Variants in MTMR7 observed in about 807,000 individuals in gnomAD.
The protein encoded by MTMR7 is phosphatidylinositol-3-phosphate phosphatase MTMR7.
In MTMR7, 76 loss-of-function variants were observed where a neutral mutation model predicts 81.2. The ratio of observed to expected loss-of-function variants is 0.94; its 90% CI spans 0.78 to 1.13. The LOEUF (loss-of-function observed/expected upper bound fraction) is 1.13. MTMR7 is among the 50% of genes most tolerant of loss of function. MTMR7 has a pLI of 0.00. For synonymous variants in MTMR7, 372 were observed against 289.8 expected (o/e 1.28, Z -2.88); for missense variants, 1,044 against 820.0 (o/e 1.27, Z -3.34).
intron 7 of MTMR7, among the ~76,000 whole-genome samples, chr8:17,318,917 C>T (rs1238005017): frequency 1.3e-5 from 2 of 152,208 alleles, no homozygotes; most frequent in Admixed American, 6.5e-5. Flanking sequence ...CTCACATCTC[C>T]AACGTCTCCT....
chr8:17,303,343 A>G (rs1231696441), intron 12 of MTMR7, among the ~76,000 whole-genome samples: 1 of 152,184 alleles, frequency 6.6e-6, no homozygotes, highest in African/African-American at 2.4e-5. Flanking sequence ...AGATAATTAG[A>G]TTGAAATAAT....
At chr8:17,316,704 G>C (rs1430972840) in intron 7 of MTMR7, among the ~76,000 whole-genome samples, 1 of 152,164 alleles carries the variant, frequency 6.6e-6, no homozygotes, top group Non-Finnish European at 1.5e-5. Context: ...AACCAATCCA[G>C]TGTAACGACT....
chr8:17,404,487 T>G (rs1354949303), intron 1 of MTMR7, among the ~76,000 whole-genome samples: 1 of 152,196 alleles, frequency 6.6e-6, no homozygotes, highest in Non-Finnish European at 1.5e-5. Flanking sequence ...ATCTTATCAG[T>G]ACTATCAGTA....
At chr8:17,403,359 G>A (rs933176042) in intron 1 of MTMR7, among the ~76,000 whole-genome samples, 1 of 152,064 alleles carries the variant, frequency 6.6e-6, no homozygotes, top group Non-Finnish European at 1.5e-5. Flanking sequence ...TATGTCATTG[G>A]CACTATTTTC....
At position 17,349,040 on chromosome 8, in the gene MTMR7, C is replaced by T. The variant is rs1034741697; in HGVS notation, c.510G>A (p.Ser170=). 4 of 1,612,466 alleles carry T rather than the reference C, an allele frequency of 2.5e-6. No homozygotes were observed. Among genetic ancestry groups the T allele is most frequent in the Admixed American group, 1.7e-5 (1 of 59,702 alleles). Residue 170 remains serine, a synonymous_variant, in exon 5 of 14, where the codon TCG becomes TCA. Transcript: ENST00000180173. ...TCCCCACTATGATGTGTGCCGTGGC[C>T]GATTTGGGAACGTACAGTTCAGTAG... is the stretch of plus-strand genomic sequence containing the variant. ...SYPTELYVPK[S]ATAHIIVGSS...
chr8:17,314,923 T>C (rs1324321132), intron 7 of MTMR7, among the ~76,000 whole-genome samples: 1 of 152,126 alleles, frequency 6.6e-6, no homozygotes, highest in African/African-American at 2.4e-5. Context: ...GAAGACACTA[T>C]GTGTCTGATA....
chr8:17,319,395 G>C (rs995040460), intron 7 of MTMR7, among the ~76,000 whole-genome samples: 1 of 152,180 alleles, frequency 6.6e-6, no homozygotes, highest in Admixed American at 6.5e-5. Flanking sequence ...GTCCTGGGAG[G>C]AAGGAGCTGT....
At chr8:17,353,988 C>G (rs929838874) in intron 4 of MTMR7, among the ~76,000 whole-genome samples, 1 of 152,208 alleles carries the variant, frequency 6.6e-6, no homozygotes, top group African/African-American at 2.4e-5. Context: ...ACTCCCAGGA[C>G]AGCTGATCTT....
In MTMR7 at chr8:17,331,068, T is replaced by G. The variant is rs1586203030; in HGVS notation, c.865+82A>C. 1.1e-5 allele frequency: 16 copies of G among 1,500,252 alleles called. No individual in the cohort carries two copies. In the East Asian group the frequency reaches 3.8e-4, roughly 35 times the overall value. The allele number at this position is 1,500,252 out of a possible 1,614,324, so 92.9% of individuals were successfully genotyped here. On this transcript the variant is annotated intron_variant, in intron 7 of 13. Transcript: ENST00000180173. ...ATTATCACACCTATGTAAAAACATT[T>G]TAAAATCAAGACTATCTTATTCCCT...
intron 7 of MTMR7, among the ~76,000 whole-genome samples, chr8:17,330,653 A>G (rs1818952955): frequency 6.6e-6 from 1 of 152,144 alleles, no homozygotes; most frequent in Non-Finnish European, 1.5e-5. Context: ...ATATATGTCA[A>G]AGTGTGTGTG....
rs141378524 is a variant in MTMR7, at chr8:17,337,287, C to T, written c.732+4076G>A. ...GGCTGAGGCAGGAGAATCACTTGAA[C>T]CCGGGAGATGGAGGTTGCAGTGATC... On this transcript the variant is annotated intron_variant, in intron 6 of 13. Coordinates refer to ENST00000180173, the MANE Select transcript of MTMR7 (RefSeq NM_004686.5). Among the ~76,000 whole-genome samples the T allele has an allele frequency of 4.7e-3, 719 of 151,460 alleles. 7 individuals are homozygous for T. The highest frequency in any genetic ancestry group is 0.017 in the African/African-American group (680 of 41,196).
intron 1 of MTMR7, among the ~76,000 whole-genome samples, chr8:17,391,267 C>A (rs891489422): frequency 6.6e-6 from 1 of 152,018 alleles, no homozygotes; most frequent in Non-Finnish European, 1.5e-5. Context: ...GGGTAGGAAG[C>A]AACTGGAAGG....
At chr8:17,364,164 G>C (rs1220484984) in intron 3 of MTMR7, among the ~76,000 whole-genome samples, 2 of 151,322 alleles carry the variant, frequency 1.3e-5, no homozygotes, top group South Asian at 2.1e-4. Context: ...GGAGTAGCTG[G>C]GACTACAGGA....
At position 17,396,273 on chromosome 8, in the gene MTMR7, A is replaced by G. The variant is rs1018973567; in HGVS notation, c.24+16996T>C. 1.3e-3 allele frequency among the ~76,000 whole-genome samples: 201 copies of G among 152,290 alleles called. 1 individual carries two copies. Among genetic ancestry groups the G allele is most frequent in the Non-Finnish European group, 2.6e-4 (18 of 68,016 alleles). ...CATCATAAGAACCAAAAATCAGGTG[A>G]GCTATTAAAGTACCTGCTTTTAACT... On this transcript the variant is annotated intron_variant, in intron 1 of 13. Coordinates refer to ENST00000180173, the MANE Select transcript of MTMR7 (RefSeq NM_004686.5).
chr8:17,389,398 C>T lies in MTMR7; in HGVS notation c.25-16158G>A, dbSNP rs973393661. 2.0e-5 allele frequency among the ~76,000 whole-genome samples: 3 copies of T among 152,278 alleles called. 1 individual carries two copies. In the Middle Eastern group the frequency reaches 0.01, roughly 518 times the overall value. On this transcript the variant is annotated intron_variant, in intron 1 of 13. Coordinates refer to ENST00000180173, the MANE Select transcript of MTMR7 (RefSeq NM_004686.5). Reference sequence around the variant, plus strand: ...GAACAATGCTAGGCAAACACTCACACTAGAACTGTGGGAAGAAAGGAAAAG... The same window carrying T: ...GAACAATGCTAGGCAAACACTCACATTAGAACTGTGGGAAGAAAGGAAAAG...
chr8:17,357,108 CTATGT>C (rs948928641), intron 4 of MTMR7, among the ~76,000 whole-genome samples: 2 of 152,088 alleles, frequency 1.3e-5, no homozygotes, highest in Non-Finnish European at 2.9e-5. Flanking sequence ...ATTTTTAAAA[CTATGT>C]TATATTTGTG....
intron 3 of MTMR7, among the ~76,000 whole-genome samples, chr8:17,362,375 C>G (rs1370176511): frequency 1.3e-5 from 2 of 152,230 alleles, no homozygotes; most frequent in Non-Finnish European, 2.9e-5. Context: ...CAGTGCAGAT[C>G]TAAGCATTTC....
At chr8:17,402,811 G>C (rs970243913) in intron 1 of MTMR7, among the ~76,000 whole-genome samples, 3 of 152,064 alleles carry the variant, frequency 2.0e-5, no homozygotes, top group Non-Finnish European at 4.4e-5. Flanking sequence ...AGTTTTTTGA[G>C]GAACCTCCAA....
At chr8:17,341,312 C>T in intron 6 of MTMR7, 51 bp downstream of exon 6, 2 of 1,605,958 alleles carry the variant, frequency 1.2e-6, no homozygotes, top group Non-Finnish European at 1.7e-6. Context: ...TTGCCTGTCT[C>T]CAGTTTCACA....
Sources: gnomAD v4.1 joint callset for allele counts (sites outside exome capture counted in the v4.1 genomes callset) on GRCh38, gnomAD v4.1.1 for gene constraint, MANE v1.5 for transcripts, NCBI Gene and HGNC (gene_info 2026-07-23, HGNC 2026-07-21) for gene names.